Variants in RRM2 observed in about 807,000 individuals in gnomAD.
The protein encoded by RRM2 is ribonucleotide reductase regulatory subunit M2.
In RRM2, 6 loss-of-function variants were observed where a neutral mutation model predicts 45.9. The observed-to-expected ratio is 0.13, with a 90% CI of 0.07 to 0.26. The LOEUF is 0.26. Among genes scored for constraint, RRM2 ranks in the 10% least tolerant of loss-of-function variants. RRM2 has a pLI of 1.00. For synonymous variants in RRM2, 177 were observed against 173.0 expected (o/e 1.02, Z -0.18); for missense variants, 343 against 489.5 (o/e 0.70, Z 2.82).
intron 3 of RRM2, among the ~76,000 whole-genome samples, chr2:10,143,230 TC>T (rs1283241499): frequency 6.6e-6 from 1 of 152,172 alleles, no homozygotes; most frequent in Non-Finnish European, 1.5e-5. Context: ...CACAGGCTGT[TC>T]CCTTAGCCTG....
At chr2:10,183,053 C>T (rs1015078948) in intron 3 of RRM2, among the ~76,000 whole-genome samples, 2 of 152,118 alleles carry the variant, frequency 1.3e-5, no homozygotes, top group Non-Finnish European at 2.9e-5. Flanking sequence ...GTGGCGCGTA[C>T]CCAGCTACTT....
chr2:10,154,488 A>G (rs1663382884), intron 3 of RRM2, among the ~76,000 whole-genome samples: 2 of 124,208 alleles, frequency 1.6e-5, no homozygotes, highest in Admixed American at 1.7e-4. Flanking sequence ...TGACAGAGCG[A>G]GACTCCATCT....
Position 10,122,853 on chromosome 2 carries a change from C to G in RRM2, c.55C>G (p.Leu19Val). The change falls in exon 1 of 10, where the codon CTC becomes GTC. Residue 19 changes from leucine (L) to valine (V), a missense_variant. By Grantham distance (32) the Leu-to-Val change is conservative (BLOSUM62 1). Around this residue, in one of 2 missense-constraint regions of RRM2, gnomAD observed 131 missense variants for 121.4 expected, o/e 1.08. Coordinates refer to ENST00000304567, the MANE Select transcript of RRM2 (RefSeq NM_001034.4). ...CATCACGGACCCGCAGCAGCTGCAG[C>G]TCTCGCCGCTGAAGGGGCTCAGCTT... ...APITDPQQLQ[L>V]SPLKGLSLVD... is the part of the protein sequence containing the mutation. The G allele has an allele frequency of 6.2e-7, 1 of 1,601,656 alleles. No homozygotes were observed.
At chr2:10,179,104 T>A (rs1663992739) in intron 3 of RRM2, among the ~76,000 whole-genome samples, 1 of 152,122 alleles carries the variant, frequency 6.6e-6, no homozygotes. Context: ...CGTTACTGAG[T>A]GGTGTTTCTG....
exon 4 of RRM2, chr2:10,210,624 A>G (rs1029510756): frequency 1.8e-5 from 24 of 1,353,046 alleles, no homozygotes; most frequent in Non-Finnish European, 2.4e-5. Context: ...TTTCAATCAC[A>G]CCCACTGCCT....
chr2:10,144,682 G>T (rs1488042362), intron 3 of RRM2, among the ~76,000 whole-genome samples: 1 of 152,170 alleles, frequency 6.6e-6, no homozygotes, highest in African/African-American at 2.4e-5. Flanking sequence ...AAGGGCTCCG[G>T]AGATATTTAT....
At chr2:10,192,293 G>C (rs1178567991) in intron 3 of RRM2, among the ~76,000 whole-genome samples, 1 of 152,188 alleles carries the variant, frequency 6.6e-6, no homozygotes, top group East Asian at 1.9e-4. Context: ...CCTTCCCCAG[G>C]GGCGTTTTCC....
chr2:10,194,470 G>A (rs1490977077), intron 3 of RRM2, among the ~76,000 whole-genome samples: 1 of 152,230 alleles, frequency 6.6e-6, no homozygotes, highest in African/African-American at 2.4e-5. Context: ...GTGTGTGTGA[G>A]GACTGGGGCC....
chr2:10,149,409 G>A (rs1055918194), intron 3 of RRM2, among the ~76,000 whole-genome samples: 5 of 152,232 alleles, frequency 3.3e-5, no homozygotes, highest in East Asian at 1.9e-4. Flanking sequence ...GATTGCAGGT[G>A]TGAGTCACTG....
chr2:10,173,417 G>A (rs1244716112), intron 3 of RRM2, among the ~76,000 whole-genome samples: 1 of 152,170 alleles, frequency 6.6e-6, no homozygotes, highest in Admixed American at 6.5e-5. Context: ...GCGTTGGCCA[G>A]TCACCCAAGA....
chr2:10,128,889 G>T lies in RRM2; in HGVS notation c.840G>T (p.Leu280=). 1 of 1,614,112 alleles carries T rather than the reference G, an allele frequency of 6.2e-7. No individual in the cohort carries two copies. Among genetic ancestry groups the T allele is most frequent in the Admixed American group, 1.7e-5 (1 of 60,016 alleles). The change falls in exon 8 of 10, where the codon CTG becomes CTT. Residue 280 remains leucine, a synonymous_variant. Transcript: ENST00000304567. The part of the protein sequence containing the change: ...CDFACLMFKH[L]VHKPSEERVR... ...TTGCTTGCCTGATGTTCAAACACCT[G>T]GTACACAAACCATCGGAGGAGAGAG...
chr2:10,186,304 T>C (rs532450274), intron 3 of RRM2, among the ~76,000 whole-genome samples: 1 of 148,038 alleles, frequency 6.8e-6, no homozygotes, highest in East Asian at 2.1e-4. Flanking sequence ...CGCACCGCCA[T>C]GCCCAGCTAA....
intron 3 of RRM2, among the ~76,000 whole-genome samples, chr2:10,197,220 C>T (rs932948678): frequency 3.3e-5 from 5 of 152,162 alleles, no homozygotes; most frequent in Non-Finnish European, 5.9e-5. Context: ...GGCTGGTGTG[C>T]GGATCGAGGG....
chr2:10,200,173 T>A (rs1309795585), intron 3 of RRM2, among the ~76,000 whole-genome samples: 1 of 152,182 alleles, frequency 6.6e-6, no homozygotes, highest in Admixed American at 6.5e-5. Context: ...AGAATAATTA[T>A]TTTTACATAG....
intron 4 of RRM2, chr2:10,124,107 T>C (rs1572486427): frequency 8.7e-6 from 3 of 344,186 alleles, no homozygotes; most frequent in South Asian, 2.9e-5. Flanking sequence ...ATCTGCCCCC[T>C]CTTTTTTTTT....
chr2:10,153,445 T>C (rs1486829172), intron 3 of RRM2, among the ~76,000 whole-genome samples: 2 of 152,154 alleles, frequency 1.3e-5, no homozygotes, highest in African/African-American at 4.8e-5. Context: ...GTGTATGGTA[T>C]GAGGTTGGAG....
chr2:10,140,259 G>GA (rs906473874), upstream of RRM2, among the ~76,000 whole-genome samples: 17 of 150,954 alleles, frequency 1.1e-4, no homozygotes, highest in Admixed American at 6.6e-4. Context: ...AAAAAGAAAA[G>GA]AAAAAAAAAT....
chr2:10,208,064 TAGTA>T (rs1443773800), intron 3 of RRM2, among the ~76,000 whole-genome samples: 1 of 152,096 alleles, frequency 6.6e-6, no homozygotes, highest in Non-Finnish European at 1.5e-5. Flanking sequence ...TATAAATGAA[TAGTA>T]AGTAAGAGCC....
At position 10,129,819 on chromosome 2, in the gene RRM2, T is replaced by A. The variant is rs144948625; in HGVS notation, c.*433T>A. On this transcript the variant is annotated 3_prime_UTR_variant, in exon 10 of 10. Transcript: ENST00000304567. The surrounding 1 kb of genome is among the most constrained non-coding windows in gnomAD (Gnocchi z 4.8). ...CTCACAAGGCGATAATAGCTTGATT[T>A]ATTTGGTTTCTACACCAAATACATT... is the stretch of plus-strand genomic sequence containing the variant. 4.4e-3 allele frequency: 700 copies of A among 157,322 alleles called. 2 individuals are homozygous for A. The highest frequency in any genetic ancestry group is 0.019 in the Middle Eastern group (6 of 314). The allele number at this position is 157,322 out of a possible 1,614,324, so 9.7% of individuals were successfully genotyped here. A position where few individuals can be genotyped will look rare whatever the true frequency, so the allele number is the denominator to read the frequency against.
Sources: allele counts gnomAD v4.1 joint callset (sites outside exome capture counted in the v4.1 genomes callset), GRCh38; gene constraint gnomAD v4.1.1; regional missense constraint gnomAD v4.1.1; non-coding constraint Gnocchi (gnomAD v3.1); transcripts MANE v1.5; gene names NCBI Gene and HGNC (gene_info 2026-07-23, HGNC 2026-07-21).